The following SPIRE1 variants were observed in gnomAD, a reference collection of about 807,000 sequenced individuals.
SPIRE1 encodes protein spire homolog 1.
Under a neutral mutation model 94.1 loss-of-function variants are expected in SPIRE1, and 40 were observed. The ratio of observed to expected loss-of-function variants is 0.43; its 90% CI spans 0.33 to 0.55. SPIRE1 has a LOEUF of 0.55. Ranked by LOEUF, SPIRE1 falls within the 20% of genes least tolerant of loss-of-function variation. The pLI is 0.06. For synonymous variants in SPIRE1, 376 were observed against 371.7 expected, an observed-to-expected ratio of 1.01 and a Z score of -0.13; for missense variants, 838 against 975.2, an observed-to-expected ratio of 0.86 and a Z score of 1.87.
intron 9 of SPIRE1, 65 bp from the exon 10 acceptor site, chr18:12,479,936 C>A: frequency 6.8e-7 from 1 of 1,479,034 alleles, no homozygotes; most frequent in Non-Finnish European, 9.2e-7. Context: ...TGGAAGCATA[C>A]CAGGTAACAG....
intron 10 of SPIRE1, 128 bp from the exon 11 acceptor site, chr18:12,465,086 G>A: frequency 1.3e-6 from 1 of 753,170 alleles, no homozygotes; most frequent in Non-Finnish European, 2.2e-6. Context: ...TTCAAGGCAA[G>A]CAAAAGACAA....
At chr18:12,570,114 C>T (rs1340563364) in intron 2 of SPIRE1, among the ~76,000 whole-genome samples, 57 of 152,194 alleles carry the variant, frequency 3.7e-4, no homozygotes. Flanking sequence ...CCCATCACCA[C>T]GTTATTCCCC....
intron 2 of SPIRE1, among the ~76,000 whole-genome samples, chr18:12,572,672 A>C (rs1196149390): frequency 6.6e-6 from 1 of 152,236 alleles, no homozygotes; most frequent in Non-Finnish European, 1.5e-5. Context: ...TGGTACTGGC[A>C]AAAGAAATGA....
At chr18:12,579,873 G>A (rs1425420086) in intron 2 of SPIRE1, among the ~76,000 whole-genome samples, 1 of 152,084 alleles carries the variant, frequency 6.6e-6, no homozygotes, top group Non-Finnish European at 1.5e-5. Context: ...ACTCTGTTTC[G>A]AGCCCTGAGC....
chr18:12,461,149 T>C (rs1224846964), intron 12 of SPIRE1, among the ~76,000 whole-genome samples: 1 of 152,184 alleles, frequency 6.6e-6, no homozygotes, highest in African/African-American at 2.4e-5. Context: ...ACAGACACAG[T>C]CATGGGCCCT....
At chr18:12,626,053 A>ACCCC in intron 2 of SPIRE1, among the ~76,000 whole-genome samples, 5 of 117,552 alleles carry the variant, frequency 4.3e-5, no homozygotes, top group Non-Finnish European at 7.9e-5. Flanking sequence ...CCCCCCCCCA[A>ACCCC]AAAAAGGAAA....
intron 2 of SPIRE1, among the ~76,000 whole-genome samples, chr18:12,573,595 G>T (rs1598484897): frequency 2.0e-5 from 3 of 152,144 alleles, no homozygotes; most frequent in Admixed American, 2.0e-4. Flanking sequence ...GGTAAATCCA[G>T]ATAATGGAAT....
At chr18:12,560,526 T>C (rs932246991) in intron 2 of SPIRE1, among the ~76,000 whole-genome samples, 5 of 152,154 alleles carry the variant, frequency 3.3e-5, no homozygotes, top group African/African-American at 1.2e-4. Flanking sequence ...TTGTGGGAGC[T>C]AAAAATTAAA....
chr18:12,656,592 T>C, intron 1 of SPIRE1: 1 of 399,536 alleles, frequency 2.5e-6, no homozygotes, highest in Non-Finnish European at 3.4e-6. Context: ...ATTTTGACAT[T>C]TCCATCAACT....
intron 2 of SPIRE1, among the ~76,000 whole-genome samples, chr18:12,577,829 G>A (rs189736635): frequency 6.6e-6 from 1 of 152,166 alleles, no homozygotes. Flanking sequence ...TCAAGAACTT[G>A]AGTCTAGAAT....
intron 1 of SPIRE1, among the ~76,000 whole-genome samples, chr18:12,651,686 C>CA (rs113403601): frequency 0.016 from 2,381 of 151,880 alleles, 77 homozygotes; most frequent in African/African-American, 0.054. Flanking sequence ...AAAACAAAAA[C>CA]AAAAAAAACA....
intron 1 of SPIRE1, among the ~76,000 whole-genome samples, chr18:12,649,148 G>A (rs1004111962): frequency 6.6e-6 from 1 of 151,916 alleles, no homozygotes; most frequent in African/African-American, 2.4e-5. Flanking sequence ...ACAGTGGCTC[G>A]CACCTGCAAT....
intron 1 of SPIRE1, among the ~76,000 whole-genome samples, chr18:12,651,123 G>C (rs149918545): frequency 6.6e-6 from 1 of 152,100 alleles, no homozygotes; most frequent in African/African-American, 2.4e-5. Context: ...TGTAAAACTA[G>C]AACACTACTT....
chr18:12,538,687 T>C (rs1291931588), intron 3 of SPIRE1, among the ~76,000 whole-genome samples: 1 of 150,546 alleles, frequency 6.6e-6, no homozygotes, highest in Admixed American at 6.6e-5. Context: ...CATCCTTTTT[T>C]CCCCCCTTAA....
chr18:12,637,100 C>T lies in SPIRE1; in HGVS notation c.338-2004G>A, dbSNP rs150904879. ...GTTGGCCAAGTGCAGTGGCTCACGC[C>T]TGTAATCCCAGCACTTTGGGAGACC... On this transcript the variant is annotated intron_variant, in intron 1 of 16. Transcript: ENST00000409402. Among the ~76,000 whole-genome samples, 174 of 152,314 alleles carry T rather than the reference C, an allele frequency of 1.1e-3. 1 individual carries two copies. Among genetic ancestry groups the T allele is most frequent in the East Asian group, 7.1e-3 (37 of 5,182 alleles).
intron 1 of SPIRE1, among the ~76,000 whole-genome samples, chr18:12,655,522 T>C (rs2038515212): frequency 6.6e-6 from 1 of 152,188 alleles, no homozygotes; most frequent in Admixed American, 6.5e-5. Context: ...CCATAACTGG[T>C]AGCGCAGGTC....
chr18:12,613,237 C>T (rs2144695184), intron 2 of SPIRE1, among the ~76,000 whole-genome samples: 1 of 152,316 alleles, frequency 6.6e-6, no homozygotes, highest in Admixed American at 6.5e-5. Flanking sequence ...CTGAAATCTA[C>T]TTTCTTCATT....
chr18:12,592,119 C>T (rs1311659490), intron 2 of SPIRE1, among the ~76,000 whole-genome samples: 3 of 151,708 alleles, frequency 2.0e-5, no homozygotes, highest in Non-Finnish European at 2.9e-5. Context: ...GAGAAGATAC[C>T]GAGCTGTAAG....
chr18:12,578,133 T>C (rs1451364588), intron 2 of SPIRE1, among the ~76,000 whole-genome samples: 4 of 152,316 alleles, frequency 2.6e-5, no homozygotes, highest in East Asian at 1.9e-4. Flanking sequence ...CATTGTAAAA[T>C]TGTTTAGGAG....
Sources: gnomAD v4.1 joint callset for allele counts (sites outside exome capture counted in the v4.1 genomes callset) on GRCh38, gnomAD v4.1.1 for gene constraint, MANE v1.5 for transcripts, NCBI Gene and HGNC (gene_info 2026-07-23, HGNC 2026-07-21) for gene names.